The following EPB41L3 variants were observed in gnomAD, a reference collection of about 807,000 sequenced individuals.
EPB41L3 encodes band 4.1-like protein 3.
In EPB41L3, 57 loss-of-function variants were observed where a neutral mutation model predicts 127.1. That is an observed-to-expected ratio of 0.45 (90% CI 0.36 to 0.56). EPB41L3 has a LOEUF of 0.56. Among genes scored for constraint, EPB41L3 ranks in the 20% least tolerant of loss-of-function variants. EPB41L3 has a pLI of 0.00. For missense variants in EPB41L3, 1,273 were observed against 1,372.2 expected, an observed-to-expected ratio of 0.93 and a Z score of 1.14; for synonymous variants, 572 against 549.5, an observed-to-expected ratio of 1.04 and a Z score of -0.57.
chr18:5,446,411 C>T (rs1599036362), intron 3 of EPB41L3, among the ~76,000 whole-genome samples: 1 of 152,130 alleles, frequency 6.6e-6, no homozygotes, highest in East Asian at 1.9e-4. Context: ...CCTTCAAAGG[C>T]CTTTAAACAT....
chr18:5,423,403 A>G lies in EPB41L3; in HGVS notation c.1314T>C (p.Tyr438=), dbSNP rs1359906266. ...CTCCATCCAAGCTGCGAGACATGGTATAACGTTTGCTGGATGAGCGTTCAA... is the reference window on the plus strand; with the variant it reads ...CTCCATCCAAGCTGCGAGACATGGTGTAACGTTTGCTGGATGAGCGTTCAA... ...PYFERSSSKR[Y]TMSRSLDGEV... Residue 438 remains tyrosine, a synonymous_variant, in exon 11 of 23, where the codon TAT becomes TAC. Coordinates refer to ENST00000341928, the MANE Select transcript of EPB41L3 (RefSeq NM_012307.5). 1.2e-6 allele frequency: 2 copies of G among 1,612,124 alleles called. No individual in the cohort carries two copies. The highest frequency in any genetic ancestry group is 1.7e-6 in the Non-Finnish European group (2 of 1,178,498).
At chr18:5,589,019 G>C (rs765866146) in intron 3 of EPB41L3, among the ~76,000 whole-genome samples, 14 of 151,990 alleles carry the variant, frequency 9.2e-5, no homozygotes, top group Non-Finnish European at 1.8e-4. Flanking sequence ...TTCAATACTT[G>C]TACTACATTG....
intron 3 of EPB41L3, among the ~76,000 whole-genome samples, chr18:5,588,894 G>T (rs1352694444): frequency 6.6e-6 from 1 of 151,940 alleles, no homozygotes; most frequent in African/African-American, 2.4e-5. Context: ...ATAAAGAGTA[G>T]GGCCAGTTAT....
chr18:5,465,625 AC>A (rs1197958093), intron 3 of EPB41L3, among the ~76,000 whole-genome samples: 8 of 152,100 alleles, frequency 5.3e-5, no homozygotes, highest in Admixed American at 5.2e-4. Context: ...GCCACTGCAG[AC>A]CCAAAAAAGG....
chr18:5,396,423 A>C, intron 18 of EPB41L3, 91 bp from the exon 19 acceptor site: 1 of 1,454,832 alleles, frequency 6.9e-7, no homozygotes, highest in African/African-American at 1.4e-5. Context: ...TTATAAGCAC[A>C]GGTTAGTATG....
In EPB41L3 at chr18:5,433,454, T is replaced by G. The variant is rs1211004543; in HGVS notation, c.912+15A>C. 1.3e-6 allele frequency: 2 copies of G among 1,592,030 alleles called. No homozygotes were observed. The highest frequency in any genetic ancestry group is 1.7e-6 in the Non-Finnish European group (2 of 1,162,638). On this transcript the variant is annotated intron_variant, in intron 8 of 22. Transcript: ENST00000341928. ...AATATTAAATTGAAAGTTTAGGGTT[T>G]AAAAAGATGCATACCTTAGCATGAT...
chr18:5,521,176 AACT>A (rs1395022473), intron 1 of EPB41L3: 1 of 152,238 alleles, frequency 6.6e-6, no homozygotes, highest in Non-Finnish European at 1.5e-5. Context: ...CTGGTATAGA[AACT>A]ACATGACAAT....
chr18:5,588,916 T>G (rs1225892654), intron 3 of EPB41L3, among the ~76,000 whole-genome samples: 1 of 151,500 alleles, frequency 6.6e-6, no homozygotes, highest in East Asian at 1.9e-4. Context: ...ACAGATGTAT[T>G]TCCAGGCACC....
intron 5 of EPB41L3, among the ~76,000 whole-genome samples, chr18:5,440,321 T>C (rs1371672327): frequency 6.6e-6 from 1 of 150,928 alleles, no homozygotes; most frequent in Non-Finnish European, 1.5e-5. Context: ...AATGGGAAAG[T>C]GTACAGAAAC....
rs1332659760 is a variant in EPB41L3, at chr18:5,423,383, T to G, written c.1334A>C (p.Asp445Ala). 1 of 1,602,174 alleles carries G rather than the reference T, an allele frequency of 6.2e-7. No homozygotes were observed. Among genetic ancestry groups the G allele is most frequent in the African/African-American group, 1.3e-5 (1 of 74,710 alleles). Residue 445 changes from aspartate (D) to alanine (A), a missense_variant, in exon 11 of 23, where the codon GAT becomes GCT. Asp to Ala is a moderately radical substitution (Grantham distance 126). Coordinates refer to ENST00000341928, the MANE Select transcript of EPB41L3 (RefSeq NM_012307.5). The stretch of plus-strand genomic sequence containing the variant: ...GGCCAGTAAGCGATGCCTACCTCCA[T>G]CCAAGCTGCGAGACATGGTATAACG... ...SKRYTMSRSLDGEVGTGQYAT... is the reference protein window; with the variant it reads ...SKRYTMSRSLAGEVGTGQYAT...
rs1282293438 is a variant in EPB41L3 at position 5,579,594 on chromosome 18, A to G, written c.-306+32746T>C. Reference sequence around the variant, plus strand: ...TCAGTCCTGCCAGGCTCCAAAGCCCAAGCTCTTCCTTTCTGAACTAGAGAT... The same window carrying G: ...TCAGTCCTGCCAGGCTCCAAAGCCCGAGCTCTTCCTTTCTGAACTAGAGAT... On this transcript the variant is annotated intron_variant, in intron 3 of 21. Coordinates refer to the EPB41L3 transcript ENST00000545076. Among the ~76,000 whole-genome samples the G allele has an allele frequency of 2.6e-5, 4 of 152,332 alleles. No homozygotes were observed. The East Asian group carries it at 7.7e-4, about 29-fold the overall frequency.
chr18:5,561,106 T>C (rs1008459848), intron 3 of EPB41L3, among the ~76,000 whole-genome samples: 15 of 148,464 alleles, frequency 1.0e-4, no homozygotes, highest in African/African-American at 3.5e-4. Flanking sequence ...GCCTCCCGAG[T>C]AGCTGGGACT....
chr18:5,544,025 G>T, upstream of EPB41L3: 1 of 985,584 alleles, frequency 1.0e-6, no homozygotes, highest in South Asian at 4.7e-5. Flanking sequence ...CGCAGCCCAG[G>T]GCTGCTCGCC....
intron 3 of EPB41L3, among the ~76,000 whole-genome samples, chr18:5,587,612 T>G (rs2094452139): frequency 6.6e-6 from 1 of 152,140 alleles, no homozygotes; most frequent in Non-Finnish European, 1.5e-5. Context: ...GAAGGCACAC[T>G]GGTAGCATAG....
At chr18:5,402,379 T>C (rs2074648201) in intron 16 of EPB41L3, among the ~76,000 whole-genome samples, 1 of 151,976 alleles carries the variant, frequency 6.6e-6, no homozygotes, top group Non-Finnish European at 1.5e-5. Flanking sequence ...AGAATAACAG[T>C]GCTAGGTCTC....
chr18:5,395,534 G>T, intron 20 of EPB41L3, 75 bp downstream of exon 20: 1 of 1,391,586 alleles, frequency 7.2e-7, no homozygotes, highest in Non-Finnish European at 1.0e-6. Flanking sequence ...AGCCCAACCT[G>T]TGAGGAGTTC....
At chr18:5,540,715 C>CTA (rs1157975759) in intron 1 of EPB41L3, among the ~76,000 whole-genome samples, 5 of 152,116 alleles carry the variant, frequency 3.3e-5, no homozygotes, top group African/African-American at 1.2e-4. Flanking sequence ...AATGGTGAGT[C>CTA]TATATTTCAC....
intron 3 of EPB41L3, among the ~76,000 whole-genome samples, chr18:5,447,472 T>TA (rs1555694424): frequency 8.1e-5 from 12 of 147,882 alleles, no homozygotes; most frequent in East Asian, 4.0e-4. Context: ...TTTTTTTTTT[T>TA]ACCTACATAC....
intron 2 of EPB41L3, among the ~76,000 whole-genome samples, chr18:5,613,423 C>T (rs558205015): frequency 1.1e-4 from 16 of 152,266 alleles, no homozygotes; most frequent in Non-Finnish European, 2.2e-4. Context: ...TGTCCAAATG[C>T]GACAAGGTAT....
Sources: gnomAD v4.1 joint callset for allele counts (sites outside exome capture counted in the v4.1 genomes callset) on GRCh38, gnomAD v4.1.1 for gene constraint, MANE v1.5 for transcripts, NCBI Gene and HGNC (gene_info 2026-07-23, HGNC 2026-07-21) for gene names.